Variants in GPHA2 observed in about 807,000 individuals in gnomAD.
The protein encoded by GPHA2 is glycoprotein hormone subunit alpha 2.
In GPHA2, 12 loss-of-function variants were observed where a neutral mutation model predicts 15.3. That is an observed-to-expected ratio of 0.78 (90% confidence interval 0.50 to 1.27). The LOEUF is 1.27. GPHA2 is among the 50% of genes most tolerant of loss of function. The pLI, the probability that GPHA2 is intolerant of heterozygous loss-of-function variation, is 0.00. For synonymous variants in GPHA2, 61 were observed against 66.8 expected (o/e 0.91, Z 0.42); for missense variants, 156 against 169.5 (o/e 0.92, Z 0.44).
chr11:64,934,990 CCTT>C lies in GPHA2; in HGVS notation c.286_288del (p.Lys96del). 3 of 1,614,036 alleles carry C rather than the reference CCTT, an allele frequency of 1.9e-6. No homozygotes were observed. Among genetic ancestry groups the C allele is most frequent in the Non-Finnish European group, 2.5e-6 (3 of 1,179,982 alleles). On this transcript the variant is annotated inframe_deletion and splice_region_variant, in exon 3 of 4. Transcript: ENST00000279168. ...ATCCACCGGGCCCGGGCCCTCCTCA[CCTT>C]CTTCAGGCCACTGATGGTGCAGCAC...
At position 64,935,157 on chromosome 11, in the gene GPHA2, C is replaced by T. The variant is rs1357332620; in HGVS notation, c.122G>A (p.Arg41Gln). The change falls in exon 3 of 4, where the codon CGA becomes CAA. Residue 41 changes from arginine (R) to glutamine (Q), a missense_variant. Arg to Gln is a conservative substitution (Grantham distance 43). Transcript: ENST00000279168. ...CTGGCAGGTGCCTTGGCGGTCACTTCGCACTGTCACATTGAAGGCTAGAAG... is the reference window on the plus strand; with the variant it reads ...CTGGCAGGTGCCTTGGCGGTCACTTTGCACTGTCACATTGAAGGCTAGAAG... Reference protein sequence around the residue: ...CHLHPFNVTVRSDRQGTCQGS... With the variant: ...CHLHPFNVTVQSDRQGTCQGS... The T allele has an allele frequency of 8.1e-6, 13 of 1,613,578 alleles. No individual in the cohort carries two copies. The highest frequency in any genetic ancestry group is 2.2e-5 in the East Asian group (1 of 44,874).
chr11:64,935,922 T>C (rs1305047122), upstream of GPHA2: 1 of 153,548 alleles, frequency 6.5e-6, no homozygotes, highest in African/African-American at 2.4e-5. Context: ...CAGGCTTTTA[T>C]TTGCCAGCAT....
In GPHA2 at chr11:64,934,584, C is replaced by G; in HGVS notation, c.*189G>C. 1.6e-6 allele frequency: 1 copy of G among 610,560 alleles called. No homozygotes were observed. The highest frequency in any genetic ancestry group is 2.7e-5 in the East Asian group (1 of 36,440). The allele number at this position is 610,560 out of a possible 1,614,324, so 37.8% of individuals were successfully genotyped here. On this transcript the variant is annotated 3_prime_UTR_variant, in exon 4 of 4. Coordinates refer to ENST00000279168, the MANE Select transcript of GPHA2 (RefSeq NM_130769.4). ...GGGAAGAAGCAGAAACTCCCCTCTT[C>G]TCAGGTGACAGTCACAAAATCTTAC...
rs1436278702 is a variant in GPHA2 at position 64,934,886 on chromosome 11, G to A, written c.289-12C>T. 1 of 1,613,052 alleles carries A rather than the reference G, an allele frequency of 6.2e-7. No individual in the cohort carries two copies. Among genetic ancestry groups the A allele is most frequent in the Non-Finnish European group, 8.5e-7 (1 of 1,179,230 alleles). The stretch of plus-strand genomic sequence containing the variant: ...AGCTGTACTTTGACCTGCGGGAGAG[G>A]GGAGTCCGTGCTGCAGTCCCCTTTC... On this transcript the variant is annotated splice_polypyrimidine_tract_variant and intron_variant, in intron 3 of 3. Transcript: ENST00000279168.
Position 64,935,207 on chromosome 11 carries a change from CCTCTGCCAAGGTTTGCCTCGCCCCAG to C in GPHA2, c.104-58_104-33del, listed in dbSNP as rs762653524. 27 of 1,585,214 alleles carry C rather than the reference CCTCTGCCAAGGTTTGCCTCGCCCCAG, an allele frequency of 1.7e-5. No individual in the cohort carries two copies. The Admixed American group carries it at 2.0e-4, about 12-fold the overall frequency. ...GGAGATAGGCAAGCAGTAGACGGCG[CCTCTGCCAAGGTTTGCCTCGCCCCAG>C]CTCCCGTTGCCTGTGCCTCAGTGTG... On this transcript the variant is annotated intron_variant, in intron 2 of 3. Coordinates refer to ENST00000279168, the MANE Select transcript of GPHA2 (RefSeq NM_130769.4).
At position 64,935,834 on chromosome 11, in the gene GPHA2, CA is replaced by C; in HGVS notation, c.-2del. The C allele has an allele frequency of 5.8e-6, 1 of 171,514 alleles. No homozygotes were observed. The highest frequency in any genetic ancestry group is 1.8e-4 in the South Asian group (1 of 5,432). The allele number at this position is 171,514 out of a possible 1,614,324, so 10.6% of individuals were successfully genotyped here. On this transcript the variant is annotated splice_region_variant and 5_prime_UTR_variant, in exon 1 of 4. Coordinates refer to ENST00000279168, the MANE Select transcript of GPHA2 (RefSeq NM_130769.4). ...GCTCCTCCTGCCTCAGCGAGCTCAC[CA>C]CTTCCGAGGCCCAGGAACAGAGCGG...
chr11:64,934,899 G>A, intron 3 of GPHA2, 25 bp from the exon 4 acceptor site: 1 of 1,612,014 alleles, frequency 6.2e-7, no homozygotes, highest in Admixed American at 1.7e-5. Flanking sequence ...AGTCCGTGCT[G>A]CAGTCCCCTT....
At position 64,935,110 on chromosome 11, in the gene GPHA2, A is replaced by G. The variant is rs1272614331; in HGVS notation, c.169T>C (p.Cys57Arg). 6.2e-7 allele frequency: 1 copy of G among 1,613,956 alleles called. No individual in the cohort carries two copies. Among genetic ancestry groups the G allele is most frequent in the Non-Finnish European group, 8.5e-7 (1 of 1,179,968 alleles). ...GCGCTGGACTCACAGTGGCCCACACAGGCCTGTGCCACGTGGGAGCCCTGG... is the reference window on the plus strand; with the variant it reads ...GCGCTGGACTCACAGTGGCCCACACGGGCCTGTGCCACGTGGGAGCCCTGG... The part of the protein sequence containing the change: ...TCQGSHVAQA[C>R]VGHCESSAFP... Residue 57 changes from cysteine to arginine, a missense_variant, in exon 3 of 4, where the codon TGT becomes CGT. Cys to Arg is a radical substitution (Grantham distance 180). Transcript: ENST00000279168.
chr11:64,935,073 C>CGAGAAG lies in GPHA2; in HGVS notation c.200_205dup (p.Pro67_Ser68dup). On this transcript the variant is annotated inframe_insertion, in exon 3 of 4. Transcript: ENST00000279168. ...ACCACTGGCCACCAGCACAGAGTAC[C>CGAGAAG]GAGAAGGGAAGGCGCTGGACTCACA... 1 of 1,614,110 alleles carries CGAGAAG rather than the reference C, an allele frequency of 6.2e-7. No homozygotes were observed.
chr11:64,936,883 C>T (rs1429565982), upstream of GPHA2, among the ~76,000 whole-genome samples: 3 of 152,166 alleles, frequency 2.0e-5, no homozygotes, highest in East Asian at 1.9e-4. Flanking sequence ...AAGTTATCAA[C>T]CCCAGCAAAG....
chr11:64,936,212 T>C (rs1945292739), upstream of GPHA2, among the ~76,000 whole-genome samples: 1 of 152,186 alleles, frequency 6.6e-6, no homozygotes, highest in Non-Finnish European at 1.5e-5. Flanking sequence ...ACCTGGGTTC[T>C]CTTTGCTCTG....
upstream of GPHA2, among the ~76,000 whole-genome samples, chr11:64,936,898 T>C (rs1945298367): frequency 6.6e-6 from 1 of 152,168 alleles, no homozygotes; most frequent in African/African-American, 2.4e-5. Context: ...GCAAAGCTGA[T>C]CTATTTGTCC....
chr11:64,936,400 T>G (rs1289948455), upstream of GPHA2, among the ~76,000 whole-genome samples: 1 of 152,088 alleles, frequency 6.6e-6, no homozygotes, highest in Non-Finnish European at 1.5e-5. Flanking sequence ...ATCCTCCCCC[T>G]TAGCCTCCTG....
chr11:64,934,930 T>G (rs746543535), intron 3 of GPHA2, 56 bp from the exon 4 acceptor site: 4 of 1,612,236 alleles, frequency 2.5e-6, no homozygotes, highest in Non-Finnish European at 3.4e-6. Context: ...GTCTAGGATC[T>G]CCATCTCTCT....
chr11:64,934,858 T>G lies in GPHA2; in HGVS notation c.305A>C (p.Gln102Pro). 6.2e-7 allele frequency: 1 copy of G among 1,614,030 alleles called. No individual in the cohort carries two copies. Among genetic ancestry groups the G allele is most frequent in the South Asian group, 1.1e-5 (1 of 91,076 alleles). ...SGLKKVKVQL[Q>P]CVGSRREELE... ...CTCCTCCCTCCGGCTCCCCACACAC[T>G]GCAGCTGTACTTTGACCTGCGGGAG... is the stretch of plus-strand genomic sequence containing the variant. Residue 102 changes from glutamine to proline, a missense_variant, in exon 4 of 4, where the codon CAG becomes CCG. By Grantham distance (76) the Gln-to-Pro change is moderately conservative (BLOSUM62 -1). Coordinates refer to ENST00000279168, the MANE Select transcript of GPHA2 (RefSeq NM_130769.4).
Position 64,934,871 on chromosome 11 carries a change from T to C in GPHA2, c.292A>G (p.Lys98Glu), listed in dbSNP as rs142983862. Residue 98 changes from lysine to glutamate, a missense_variant, in exon 4 of 4, where the codon AAA (lysine) becomes GAA (glutamate). By Grantham distance (56) the Lys-to-Glu change is moderately conservative (BLOSUM62 1). Transcript: ENST00000279168. ...CCTISGLKKV[K>E]VQLQCVGSRR... Reference sequence around the variant, plus strand: ...CTCCCCACACACTGCAGCTGTACTTTGACCTGCGGGAGAGGGGAGTCCGTG... The same window carrying C: ...CTCCCCACACACTGCAGCTGTACTTCGACCTGCGGGAGAGGGGAGTCCGTG... The C allele has an allele frequency of 1.9e-6, 3 of 1,613,844 alleles. No homozygotes were observed. The highest frequency in any genetic ancestry group is 2.5e-6 in the Non-Finnish European group (3 of 1,179,914).
chr11:64,934,887 G>A lies in GPHA2; in HGVS notation c.289-13C>T. On this transcript the variant is annotated splice_polypyrimidine_tract_variant and intron_variant, in intron 3 of 3. Coordinates refer to ENST00000279168, the MANE Select transcript of GPHA2 (RefSeq NM_130769.4). ...GCTGTACTTTGACCTGCGGGAGAGGGGAGTCCGTGCTGCAGTCCCCTTTCT... is the reference window on the plus strand; with the variant it reads ...GCTGTACTTTGACCTGCGGGAGAGGAGAGTCCGTGCTGCAGTCCCCTTTCT... 1 of 1,613,226 alleles carries A rather than the reference G, an allele frequency of 6.2e-7. No individual in the cohort carries two copies. Among genetic ancestry groups the A allele is most frequent in the Admixed American group, 1.7e-5 (1 of 60,018 alleles).
intron 2 of GPHA2, 30 bp from the exon 3 acceptor site, chr11:64,935,205 C>A: frequency 1.3e-6 from 2 of 1,585,292 alleles, no homozygotes; most frequent in East Asian, 4.6e-5. Context: ...CAGTAGACGG[C>A]GCCTCTGCCA....
At chr11:64,935,793 C>T (rs952913574) in intron 1 of GPHA2, 41 bp downstream of exon 1, 1 of 204,656 alleles carries the variant, frequency 4.9e-6, no homozygotes, top group South Asian at 1.4e-4. Context: ...GTCCACATTC[C>T]CAGACCCTCC....
Sources: gnomAD v4.1 joint callset for allele counts (sites outside exome capture counted in the v4.1 genomes callset) on GRCh38, gnomAD v4.1.1 for gene constraint, MANE v1.5 for transcripts, NCBI Gene and HGNC (gene_info 2026-07-23, HGNC 2026-07-21) for gene names.